The following PRR16 variants were observed in gnomAD, a reference collection of about 807,000 sequenced individuals.
The protein encoded by PRR16 is protein Largen.
A neutral mutation model predicts 18.2 loss-of-function variants in PRR16; 6 were observed. That is an observed-to-expected ratio of 0.33 (90% confidence interval 0.18 to 0.65). The LOEUF (loss-of-function observed/expected upper bound fraction) is 0.65. Among genes scored for constraint, PRR16 ranks in the 30% least tolerant of loss-of-function variants. The pLI is 0.74. For synonymous variants in PRR16, 151 were observed against 147.8 expected (o/e 1.02, Z -0.16); for missense variants, 412 against 376.6 (o/e 1.09, Z -0.78).
chr5:120,484,417 T>G (rs1749721937), intron 1 of PRR16, among the ~76,000 whole-genome samples: 1 of 145,510 alleles, frequency 6.9e-6, no homozygotes, highest in African/African-American at 2.5e-5. Flanking sequence ...ATATACCAAT[T>G]CTTATATATA....
the PRR16 span, among the ~76,000 whole-genome samples, chr5:120,746,734 G>A: frequency 6.6e-6 from 1 of 151,954 alleles, no homozygotes; most frequent in Non-Finnish European, 1.5e-5. Flanking sequence ...GGTCTTTAAT[G>A]TAGAGCCAGA....
At chr5:120,578,550 A>G (rs1211199074) in intron 1 of PRR16, among the ~76,000 whole-genome samples, 13 of 152,206 alleles carry the variant, frequency 8.5e-5, no homozygotes, top group Admixed American at 8.5e-4. Context: ...TTCCAGCTTC[A>G]TTCATGTCCC....
chr5:120,494,753 G>C (rs1750185551), intron 1 of PRR16, among the ~76,000 whole-genome samples: 1 of 151,954 alleles, frequency 6.6e-6, no homozygotes, highest in African/African-American at 2.4e-5. Flanking sequence ...TCTATTTTGA[G>C]TTAATTTTTG....
intron 1 of PRR16, among the ~76,000 whole-genome samples, chr5:120,667,206 G>T (rs1230628455): frequency 2.0e-5 from 3 of 150,892 alleles, no homozygotes; most frequent in Non-Finnish European, 3.0e-5. Flanking sequence ...ATGTGTCGAG[G>T]AATTTATCCA....
At chr5:120,658,409 G>A (rs967226548) in intron 1 of PRR16, 1 of 150,620 alleles carries the variant, frequency 6.6e-6, no homozygotes, top group African/African-American at 2.4e-5. Flanking sequence ...CTTGTACGAT[G>A]TCCAGACAGC....
the PRR16 span, among the ~76,000 whole-genome samples, chr5:120,712,386 G>A: frequency 2.6e-5 from 4 of 151,888 alleles, no homozygotes; most frequent in South Asian, 2.1e-4. Context: ...ACAGCTATAC[G>A]TTTCTTTCCC....
chr5:120,484,621 T>C (rs991241010), intron 1 of PRR16, among the ~76,000 whole-genome samples: 12 of 146,390 alleles, frequency 8.2e-5, no homozygotes, highest in African/African-American at 3.0e-4. Flanking sequence ...ACATATATTG[T>C]ATATACACTT....
At chr5:120,492,711 C>T (rs897005262) in intron 1 of PRR16, among the ~76,000 whole-genome samples, 1 of 152,046 alleles carries the variant, frequency 6.6e-6, no homozygotes, top group Non-Finnish European at 1.5e-5. Flanking sequence ...TATCCCTGCC[C>T]CTTGACATCG....
chr5:120,715,105 TAAAAAA>T, the PRR16 span, among the ~76,000 whole-genome samples: 14 of 145,008 alleles, frequency 9.7e-5, no homozygotes, highest in South Asian at 2.2e-4. Context: ...TCCCAGAACT[TAAAAAA>T]AAAAAAGTCG....
chr5:120,611,817 G>A (rs995578344), intron 1 of PRR16, among the ~76,000 whole-genome samples: 4 of 152,214 alleles, frequency 2.6e-5, no homozygotes, highest in Admixed American at 1.3e-4. Flanking sequence ...GCAATGCCTA[G>A]TGGAGCTGTG....
chr5:120,499,309 C>T (rs1358728716), intron 1 of PRR16, among the ~76,000 whole-genome samples: 2 of 152,018 alleles, frequency 1.3e-5, no homozygotes, highest in East Asian at 1.9e-4. Flanking sequence ...CGGGGTTTCT[C>T]CACATTGGTC....
At chr5:120,593,741 C>T (rs1753714285) in intron 1 of PRR16, among the ~76,000 whole-genome samples, 1 of 151,908 alleles carries the variant, frequency 6.6e-6, no homozygotes, top group Non-Finnish European at 1.5e-5. Context: ...AACATAGATG[C>T]AAAAATCCAC....
In PRR16 at chr5:120,686,060, C is replaced by T. The variant is rs1429977676; in HGVS notation, c.266C>T (p.Ala89Val). Residue 89 changes from alanine (A) to valine (V), a missense_variant, in exon 2 of 2, where the codon GCC becomes GTC. Transcript: ENST00000407149. ...TLNSSSSGTTASSLEKIKVQA... is the reference protein window; with the variant it reads ...TLNSSSSGTTVSSLEKIKVQA... ...AATAGTAGCTCAAGTGGCACAACAGCCTCCAGCCTAGAGAAGATCAAAGTG... is the reference window on the plus strand; with the variant it reads ...AATAGTAGCTCAAGTGGCACAACAGTCTCCAGCCTAGAGAAGATCAAAGTG... The T allele has an allele frequency of 1.2e-6, 2 of 1,613,982 alleles. No individual in the cohort carries two copies. The highest frequency in any genetic ancestry group is 1.7e-6 in the Non-Finnish European group (2 of 1,180,016).
intron 1 of PRR16, among the ~76,000 whole-genome samples, chr5:120,561,115 T>C (rs140513392): frequency 3.4e-4 from 52 of 152,136 alleles, no homozygotes; most frequent in South Asian, 3.3e-3. Flanking sequence ...TAATTTTATT[T>C]ATTTATACTC....
the PRR16 span, among the ~76,000 whole-genome samples, chr5:120,704,709 C>T: frequency 2.0e-5 from 3 of 152,118 alleles, no homozygotes; most frequent in Non-Finnish European, 4.4e-5. Context: ...GCTCAGACAT[C>T]AGTAGGCTTC....
intron 1 of PRR16, among the ~76,000 whole-genome samples, chr5:120,514,454 T>G (rs1750924082): frequency 6.6e-6 from 1 of 152,240 alleles, no homozygotes; most frequent in Non-Finnish European, 1.5e-5. Context: ...CCATTCTGCT[T>G]CCTTTTTAAT....
chr5:120,673,853 G>A (rs1299180036), intron 1 of PRR16, among the ~76,000 whole-genome samples: 1 of 151,890 alleles, frequency 6.6e-6, no homozygotes, highest in African/African-American at 2.4e-5. Context: ...TACTCAGGAG[G>A]TTGAGGCAGG....
At chr5:120,678,565 A>T (rs896177500) in intron 1 of PRR16, among the ~76,000 whole-genome samples, 1 of 152,186 alleles carries the variant, frequency 6.6e-6, no homozygotes, top group East Asian at 1.9e-4. Context: ...GTCCCAATAC[A>T]TTAAGGCAAT....
At chr5:120,794,203 A>C in the PRR16 span, among the ~76,000 whole-genome samples, 1 of 152,276 alleles carries the variant, frequency 6.6e-6, no homozygotes, top group South Asian at 2.1e-4. Context: ...ACAATAGGTT[A>C]AAATATATCT....
Sources: gnomAD v4.1 joint callset for allele counts (sites outside exome capture counted in the v4.1 genomes callset) on GRCh38, gnomAD v4.1.1 for gene constraint, MANE v1.5 for transcripts, NCBI Gene and HGNC (gene_info 2026-07-23, HGNC 2026-07-21) for gene names.